The following MLXIP variants were observed in gnomAD, a reference collection of about 807,000 sequenced individuals.
The protein encoded by MLXIP is MLX interacting protein.
In MLXIP, 30 loss-of-function variants were observed where a neutral mutation model predicts 87.2. The ratio of observed to expected loss-of-function variants is 0.34; its 90% confidence interval spans 0.26 to 0.47. The LOEUF (loss-of-function observed/expected upper bound fraction) is 0.47. Ranked by LOEUF, MLXIP falls within the 20% of genes least tolerant of loss-of-function variation. MLXIP has a pLI of 1.00. For missense variants in MLXIP, 1,002 were observed against 1,240.1 expected, an observed-to-expected ratio of 0.81 and a Z score of 2.88; for synonymous variants, 530 against 514.0, an observed-to-expected ratio of 1.03 and a Z score of -0.42.
chr12:122,129,104 C>A, intron 3 of MLXIP, 33 bp from the exon 4 acceptor site: 1 of 1,539,780 alleles, frequency 6.5e-7, no homozygotes, highest in East Asian at 2.3e-5. Flanking sequence ...AAGCAGAGCC[C>A]CCTCTTCACT....
intron 1 of MLXIP, among the ~76,000 whole-genome samples, chr12:122,089,135 A>G (rs1461037684): frequency 6.6e-6 from 1 of 152,038 alleles, no homozygotes; most frequent in East Asian, 1.9e-4. Flanking sequence ...AGCTATAATC[A>G]TACCACTGCA....
At chr12:122,127,133 C>A (rs954851637) in intron 1 of MLXIP, 123 bp from the exon 2 acceptor site, 1 of 769,600 alleles carries the variant, frequency 1.3e-6, no homozygotes, top group African/African-American at 1.7e-5. Context: ...TCCATGAAGC[C>A]GGGTGTATGG....
chr12:122,094,696 TGTG>T (rs1362669864), intron 1 of MLXIP, among the ~76,000 whole-genome samples: 4 of 139,984 alleles, frequency 2.9e-5, no homozygotes, highest in Admixed American at 7.1e-5. Flanking sequence ...TGTTGTGTGT[TGTG>T]TGTGTGGTGT....
At chr12:122,130,707 A>C in intron 6 of MLXIP, 137 bp from the exon 7 acceptor site, 1 of 653,248 alleles carries the variant, frequency 1.5e-6, no homozygotes, top group Non-Finnish European at 2.8e-6. Context: ...AACCCTGAGA[A>C]GGTAGAAATC....
chr12:122,121,009 G>GTTTTTTTTTTTTTTTTTTTTTTTTT lies in MLXIP; in HGVS notation c.414-6247_414-6246insTTTTTTTTTTTTTTTTTTTTTTTTT, dbSNP rs776332981. Among the ~76,000 whole-genome samples, 19 of 102,194 alleles carry GTTTTTTTTTTTTTTTTTTTTTTTTT rather than the reference G, an allele frequency of 1.9e-4. 1 individual carries two copies. The highest frequency in any genetic ancestry group is 5.9e-4 in the South Asian group (2 of 3,390). The allele number at this position is 102,194 out of a possible 152,430, so 67.0% of individuals were successfully genotyped here. ...TAGCCCCAGAGCCCTCTGCATGCTTGGTTTTTTTTTTTTTTTTTTGAAACG... is the reference window on the plus strand; with the variant it reads ...TAGCCCCAGAGCCCTCTGCATGCTTGTTTTTTTTTTTTTTTTTTTTTTTTTGTTTTTTTTTTTTTTTTTTGAAACG... On this transcript the variant is annotated intron_variant, in intron 1 of 16. Coordinates refer to ENST00000319080, the MANE Select transcript of MLXIP (RefSeq NM_014938.6).
chr12:122,101,728 A>G (rs1427126491), intron 1 of MLXIP, among the ~76,000 whole-genome samples: 4 of 151,338 alleles, frequency 2.6e-5, no homozygotes, highest in African/African-American at 9.7e-5. Flanking sequence ...TTACAGGCCC[A>G]TGCCACCATG....
In MLXIP at chr12:122,142,081, C is replaced by T; in HGVS notation, c.*269C>T. 2 of 690,458 alleles carry T rather than the reference C, an allele frequency of 2.9e-6. No homozygotes were observed. Among genetic ancestry groups the T allele is most frequent in the Non-Finnish European group, 5.2e-6 (2 of 381,616 alleles). The allele number at this position is 690,458 out of a possible 1,614,324, so 42.8% of individuals were successfully genotyped here. A position where few individuals can be genotyped will look rare whatever the true frequency, so the allele number is the denominator to read the frequency against. On this transcript the variant is annotated 3_prime_UTR_variant, in exon 17 of 17. Coordinates refer to ENST00000319080, the MANE Select transcript of MLXIP (RefSeq NM_014938.6). ...AACCTCCTCTGCCCTCGGGGCAGCC[C>T]ACACAAAAGGGAAGTGCTGGCCGTG...
In MLXIP at chr12:122,130,978, C is replaced by A. The variant is rs527766628; in HGVS notation, c.1000+45C>A. 44 of 1,246,542 alleles carry A rather than the reference C, an allele frequency of 3.5e-5. 1 individual carries two copies. The Admixed American group carries it at 4.9e-4, about 14-fold the overall frequency. The allele number at this position is 1,246,542 out of a possible 1,614,324, so 77.2% of individuals were successfully genotyped here. ...AGAGCACGGTTGCCTCCATCTCCCC[C>A]AGCCCAGCACAGAGCAGATCGCTGC... On this transcript the variant is annotated intron_variant, in intron 7 of 16. Coordinates refer to ENST00000319080, the MANE Select transcript of MLXIP (RefSeq NM_014938.6).
In MLXIP at chr12:122,146,535, A is replaced by C. The variant is rs1367690467; in HGVS notation, c.*4723A>C. On this transcript the variant is annotated 3_prime_UTR_variant, in exon 17 of 17. Transcript: ENST00000319080. ...TTGGCCCCCCTGGCCACCGCAAGGGACTCTTTGCTTGTCAGGGCTTGCAAA... is the reference window on the plus strand; with the variant it reads ...TTGGCCCCCCTGGCCACCGCAAGGGCCTCTTTGCTTGTCAGGGCTTGCAAA... 1 of 151,928 alleles carries C rather than the reference A, an allele frequency of 6.6e-6. No homozygotes were observed. Among genetic ancestry groups the C allele is most frequent in the Non-Finnish European group, 1.5e-5 (1 of 68,028 alleles). The allele number at this position is 151,928 out of a possible 1,614,324, so 9.4% of individuals were successfully genotyped here. A position where few individuals can be genotyped will look rare whatever the true frequency, so the allele number is the denominator to read the frequency against.
chr12:122,121,963 C>T (rs144295209), intron 1 of MLXIP, among the ~76,000 whole-genome samples: 12 of 152,356 alleles, frequency 7.9e-5, no homozygotes, highest in Non-Finnish European at 1.5e-4. Context: ...ACACCTCCCA[C>T]GTGCCAGGCC....
intron 9 of MLXIP, chr12:122,134,907 C>T (rs1372432348): frequency 2.8e-6 from 1 of 357,788 alleles, no homozygotes. Flanking sequence ...CTCCTGACCT[C>T]TGGTGATCCA....
intron 1 of MLXIP, among the ~76,000 whole-genome samples, chr12:122,116,744 G>A (rs1417760289): frequency 6.6e-6 from 1 of 152,200 alleles, no homozygotes; most frequent in Non-Finnish European, 1.5e-5. Context: ...CATTGACCAC[G>A]TGCTGGGCCC....
Position 122,130,064 on chromosome 12 carries a change from A to G in MLXIP, c.862A>G (p.Thr288Ala). ...GGAATTCAGCGACACCCTCTTCTCC[A>G]CACTTTCTTCACACCAGCCGGTGGC... ...MSEFSDTLFS[T>A]LSSHQPVAWP... The change falls in exon 6 of 17, where the codon ACA becomes GCA. Residue 288 changes from threonine to alanine, a missense_variant. This residue lies in a region of MLXIP where 746 missense variants were observed against 897.0 expected (regional missense o/e 0.83). Coordinates refer to ENST00000319080, the MANE Select transcript of MLXIP (RefSeq NM_014938.6). The G allele has an allele frequency of 6.2e-7, 1 of 1,613,892 alleles. No homozygotes were observed.
At chr12:122,134,978 T>C in intron 9 of MLXIP, 2 of 429,474 alleles carry the variant, frequency 4.7e-6, no homozygotes, top group South Asian at 4.2e-5. Context: ...CCAGCCTCTC[T>C]ATCTTTTTTT....
chr12:122,081,778 G>T (rs2135887058), intron 1 of MLXIP, among the ~76,000 whole-genome samples: 1 of 152,306 alleles, frequency 6.6e-6, no homozygotes, highest in South Asian at 2.1e-4. Context: ...CGGCTGTCTG[G>T]GTCCTCCCCT....
Position 122,129,570 on chromosome 12 carries a change from C to T in MLXIP, c.697-18C>T, listed in dbSNP as rs765280629. 5.6e-6 allele frequency: 9 copies of T among 1,613,202 alleles called. No individual in the cohort carries two copies. Among genetic ancestry groups the T allele is most frequent in the Non-Finnish European group, 7.6e-6 (9 of 1,179,702 alleles). On this transcript the variant is annotated intron_variant, in intron 4 of 16. Coordinates refer to ENST00000319080, the MANE Select transcript of MLXIP (RefSeq NM_014938.6). ...TAGGGCCATTGGTGACCGCCGTGTC[C>T]TGTCCCTTTGCCCACAGCTACAGCA...
At chr12:122,127,994 T>C in intron 3 of MLXIP, 26 bp downstream of exon 3, 1 of 1,601,778 alleles carries the variant, frequency 6.2e-7, no homozygotes, top group Non-Finnish European at 8.5e-7. Flanking sequence ...CAAGGGTGGC[T>C]GAGAGTGGAA....
At chr12:122,118,890 G>C (rs1335422801) in intron 1 of MLXIP, among the ~76,000 whole-genome samples, 1 of 151,570 alleles carries the variant, frequency 6.6e-6, no homozygotes, top group Non-Finnish European at 1.5e-5. Flanking sequence ...ACATGGGCTG[G>C]GCACGGTGGC....
intron 1 of MLXIP, among the ~76,000 whole-genome samples, chr12:122,125,307 G>A (rs1307601322): frequency 6.6e-6 from 1 of 150,810 alleles, no homozygotes; most frequent in African/African-American, 2.5e-5. Context: ...ACTCCAGCCT[G>A]GGCAACAGAG....
Sources: allele counts gnomAD v4.1 joint callset (sites outside exome capture counted in the v4.1 genomes callset), GRCh38; gene constraint gnomAD v4.1.1; regional missense constraint gnomAD v4.1.1; transcripts MANE v1.5; gene names NCBI Gene and HGNC (gene_info 2026-07-23, HGNC 2026-07-21).